Variants in CSMD2 observed in about 807,000 individuals in gnomAD.
CSMD2 encodes CUB and Sushi multiple domains 2, also known as CUB and sushi domain-containing protein 2.
A neutral mutation model predicts 398.5 loss-of-function variants in CSMD2; 130 were observed. That is an observed-to-expected ratio of 0.33 (90% CI 0.28 to 0.38). The LOEUF is 0.38. CSMD2 is among the 10% of genes least tolerant of loss of function. CSMD2 has a pLI of 1.00. For synonymous variants in CSMD2, 1,828 were observed against 1,908.5 expected (o/e 0.96, Z 1.10); for missense variants, 3,829 against 4,764.9 (o/e 0.80, Z 5.78).
chr1:34,152,142 C>T (rs537964055), intron 1 of CSMD2, among the ~76,000 whole-genome samples: 4 of 152,316 alleles, frequency 2.6e-5, no homozygotes, highest in Admixed American at 2.0e-4. Flanking sequence ...CAAGCCACCA[C>T]ACTTGGCCTA....
At chr1:33,840,904 C>T (rs1660785406) in intron 6 of CSMD2, among the ~76,000 whole-genome samples, 1 of 152,188 alleles carries the variant, frequency 6.6e-6, no homozygotes, top group Non-Finnish European at 1.5e-5. Context: ...CACAGGATGC[C>T]TGAAGCACTT....
intron 66 of CSMD2, among the ~76,000 whole-genome samples, chr1:33,524,111 A>G (rs2148533648): frequency 6.6e-6 from 1 of 152,274 alleles, no homozygotes; most frequent in South Asian, 2.1e-4. Flanking sequence ...TGAATGTAAT[A>G]TTTTCCTTTA....
chr1:33,851,630 T>C (rs1638715223), intron 5 of CSMD2, among the ~76,000 whole-genome samples: 1 of 152,198 alleles, frequency 6.6e-6, no homozygotes, highest in Non-Finnish European at 1.5e-5. Context: ...CCAAGGCCCT[T>C]GTTTGAGGCT....
At chr1:33,952,660 CTTGTTT>C (rs1219059703) in intron 3 of CSMD2, among the ~76,000 whole-genome samples, 1 of 151,016 alleles carries the variant, frequency 6.6e-6, no homozygotes, top group Non-Finnish European at 1.5e-5. Flanking sequence ...TTATGTGGTT[CTTGTTT>C]TTGTTGTTTA....
chr1:33,916,766 A>T (rs1047059550), intron 5 of CSMD2, among the ~76,000 whole-genome samples: 1 of 152,092 alleles, frequency 6.6e-6, no homozygotes, highest in Non-Finnish European at 1.5e-5. Context: ...TCCCTCTTAA[A>T]TATTTAATAG....
At chr1:33,882,396 T>C (rs12095745) in intron 5 of CSMD2, among the ~76,000 whole-genome samples, 19,593 of 152,182 alleles carry the variant, frequency 0.13, 1,864 homozygotes, top group African/African-American at 0.27. Flanking sequence ...ACAACATTTG[T>C]AATTTCATAC....
chr1:34,165,340 C>A (rs1466550409), upstream of CSMD2: 23 of 1,202,308 alleles, frequency 1.9e-5, no homozygotes, highest in Non-Finnish European at 2.3e-5. Context: ...GGTGAATTAT[C>A]CCCGGATTAA....
intron 37 of CSMD2, among the ~76,000 whole-genome samples, chr1:33,621,947 A>C (rs1305863774): frequency 2.0e-5 from 3 of 152,148 alleles, no homozygotes; most frequent in Non-Finnish European, 1.5e-5. Flanking sequence ...TGGATACTGA[A>C]CAGGCATACA....
intron 2 of CSMD2, among the ~76,000 whole-genome samples, chr1:34,044,464 G>A (rs1322389253): frequency 6.6e-6 from 1 of 152,060 alleles, no homozygotes; most frequent in South Asian, 2.1e-4. Flanking sequence ...AACCCTCTCT[G>A]GGAAACAATA....
chr1:33,812,804 A>G (rs1363551948), intron 9 of CSMD2, among the ~76,000 whole-genome samples: 1 of 152,192 alleles, frequency 6.6e-6, no homozygotes, highest in African/African-American at 2.4e-5. Flanking sequence ...GGGACAAGAG[A>G]TAATCAGACT....
chr1:33,769,009 G>A (rs2149321544), intron 13 of CSMD2, among the ~76,000 whole-genome samples: 1 of 152,314 alleles, frequency 6.6e-6, no homozygotes, highest in Non-Finnish European at 1.5e-5. Context: ...TCTTTTGAAA[G>A]TGGCTGCTAA....
chr1:33,775,678 G>T (rs554257380), intron 12 of CSMD2, among the ~76,000 whole-genome samples: 2 of 152,324 alleles, frequency 1.3e-5, no homozygotes, highest in Non-Finnish European at 1.5e-5. Context: ...GTACTAGTGG[G>T]ACCTCCAAGT....
At chr1:34,130,887 T>G (rs1218959400) in intron 1 of CSMD2, among the ~76,000 whole-genome samples, 2 of 152,010 alleles carry the variant, frequency 1.3e-5, no homozygotes, top group Admixed American at 1.3e-4. Flanking sequence ...CATCCACAGC[T>G]TGCTTCCTGG....
intron 3 of CSMD2, among the ~76,000 whole-genome samples, chr1:33,958,630 T>C (rs1193032137): frequency 6.6e-6 from 1 of 152,218 alleles, no homozygotes; most frequent in African/African-American, 2.4e-5. Flanking sequence ...GAGACTTTTC[T>C]GCTGACCTTG....
chr1:33,975,676 G>A (rs575924848), intron 3 of CSMD2, among the ~76,000 whole-genome samples: 15 of 152,194 alleles, frequency 9.9e-5, no homozygotes, highest in South Asian at 4.2e-4. Flanking sequence ...CCAGGGGGGA[G>A]GGGAGGGCCT....
chr1:33,917,566 CT>C (rs1237642403), intron 5 of CSMD2, among the ~76,000 whole-genome samples: 1 of 152,274 alleles, frequency 6.6e-6, no homozygotes, highest in South Asian at 2.1e-4. Context: ...AGAGCCTGCA[CT>C]TTTTTAGCAA....
At chr1:33,904,070 A>G (rs1642921277) in intron 5 of CSMD2, among the ~76,000 whole-genome samples, 1 of 152,194 alleles carries the variant, frequency 6.6e-6, no homozygotes, top group Admixed American at 6.5e-5. Flanking sequence ...TGGCTGGACA[A>G]TGTAGGGTCT....
intron 49 of CSMD2, among the ~76,000 whole-genome samples, chr1:33,574,488 C>T (rs1659889611): frequency 1.3e-5 from 2 of 152,202 alleles, no homozygotes; most frequent in South Asian, 2.1e-4. Context: ...ACTACTGCCT[C>T]CATCCACTAT....
intron 6 of CSMD2, among the ~76,000 whole-genome samples, chr1:33,831,279 C>A (rs1423008044): frequency 6.6e-6 from 1 of 152,110 alleles, no homozygotes; most frequent in Non-Finnish European, 1.5e-5. Flanking sequence ...AGGTTACCCA[C>A]AAAGGGAAGC....
Sources: allele counts gnomAD v4.1 joint callset (sites outside exome capture counted in the v4.1 genomes callset), GRCh38; gene constraint gnomAD v4.1.1; transcripts MANE v1.5; gene names NCBI Gene and HGNC (gene_info 2026-07-23, HGNC 2026-07-21).